The following ANK3 variants were observed in gnomAD, a reference collection of about 807,000 sequenced individuals.
ANK3 encodes ankyrin 3, also known as ankyrin-3.
Under a neutral mutation model 370.9 loss-of-function variants are expected in ANK3, and 57 were observed. That is an observed-to-expected ratio of 0.15 (90% confidence interval 0.12 to 0.19). ANK3 has a LOEUF of 0.19. Among genes scored for constraint, ANK3 ranks in the 10% least tolerant of loss-of-function variants. The pLI is 1.00. For synonymous variants in ANK3, 1,929 were observed against 1,946.3 expected, an observed-to-expected ratio of 0.99 and a Z score of 0.23; for missense variants, 4,439 against 5,302.1, an observed-to-expected ratio of 0.84 and a Z score of 5.06.
intron 27 of ANK3, chr10:60,108,109 C>A (rs1565062422): frequency 1.9e-5 from 7 of 370,454 alleles, no homozygotes; most frequent in East Asian, 9.8e-5. Context: ...AGAATCAGAC[C>A]ATGGGTGTGA....
chr10:60,524,899 AAC>A (rs2076433314), intron 2 of ANK3, among the ~76,000 whole-genome samples: 2 of 152,106 alleles, frequency 1.3e-5, no homozygotes, highest in Admixed American at 6.6e-5. Context: ...TGGACCCATG[AAC>A]AGAAATATTG....
chr10:60,036,459 G>A (rs569871208), intron 43 of ANK3, among the ~76,000 whole-genome samples: 59 of 51,376 alleles, frequency 1.1e-3, no homozygotes, highest in African/African-American at 4.5e-3. Flanking sequence ...TTTTTGAGAC[G>A]GAGTCTTGCT....
At chr10:60,434,491 T>G (rs2064109259) in intron 2 of ANK3, among the ~76,000 whole-genome samples, 1 of 152,234 alleles carries the variant, frequency 6.6e-6, no homozygotes, top group South Asian at 2.1e-4. Context: ...TATCTTCCAA[T>G]TTGTTTTCTT....
intron 2 of ANK3, among the ~76,000 whole-genome samples, chr10:60,485,560 G>A (rs887136995): frequency 1.3e-5 from 2 of 152,196 alleles, no homozygotes; most frequent in Non-Finnish European, 2.9e-5. Context: ...GGCAGGTAGT[G>A]AAGATGCTGG....
chr10:60,618,849 A>G (rs1263741774), intron 1 of ANK3, among the ~76,000 whole-genome samples: 1 of 152,096 alleles, frequency 6.6e-6, no homozygotes, highest in South Asian at 2.1e-4. Context: ...TTTGGCTCCT[A>G]TTCACCTGAC....
chr10:60,634,310 T>G (rs1239709892), intron 1 of ANK3, among the ~76,000 whole-genome samples: 1 of 152,192 alleles, frequency 6.6e-6, no homozygotes, highest in Non-Finnish European at 1.5e-5. Context: ...TATTTGTATT[T>G]CAAAATTCTC....
chr10:60,528,134 CTTCTTTTTTT>C (rs1487344948), intron 2 of ANK3, among the ~76,000 whole-genome samples: 1 of 124,264 alleles, frequency 8.0e-6, no homozygotes, highest in Non-Finnish European at 1.7e-5. Flanking sequence ...TTTTCTTCTT[CTTCTTTTTTT>C]TTTTTTTTTG....
intron 2 of ANK3, among the ~76,000 whole-genome samples, chr10:60,420,910 T>A: frequency 6.6e-6 from 1 of 152,126 alleles, no homozygotes; most frequent in East Asian, 1.9e-4. Flanking sequence ...TTGTGAAATA[T>A]TCATAGCATT....
At chr10:60,313,739 C>T (rs921936796) in intron 1 of ANK3, among the ~76,000 whole-genome samples, 2 of 152,086 alleles carry the variant, frequency 1.3e-5, no homozygotes, top group Admixed American at 6.6e-5. Flanking sequence ...CAAAAAGTCC[C>T]AAATGAAACA....
intron 2 of ANK3, among the ~76,000 whole-genome samples, chr10:60,432,066 C>T (rs1375960513): frequency 6.6e-6 from 1 of 152,170 alleles, no homozygotes; most frequent in Non-Finnish European, 1.5e-5. Context: ...ATTCTGATGG[C>T]TGTTTGCCAT....
chr10:60,639,958 A>G (rs1030636125), intron 1 of ANK3, among the ~76,000 whole-genome samples: 2 of 152,114 alleles, frequency 1.3e-5, no homozygotes, highest in African/African-American at 2.4e-5. Context: ...TATGCCTTCT[A>G]TGAGAAATCT....
intron 1 of ANK3, among the ~76,000 whole-genome samples, chr10:60,332,085 A>G (rs1285134623): frequency 1.3e-5 from 2 of 152,078 alleles, no homozygotes; most frequent in African/African-American, 2.4e-5. Context: ...CCCATTTTCT[A>G]TTGTGCTAAC....
chr10:60,165,047 A>G (rs149630334), intron 23 of ANK3, among the ~76,000 whole-genome samples: 2 of 152,182 alleles, frequency 1.3e-5, no homozygotes, highest in Non-Finnish European at 2.9e-5. Flanking sequence ...TTTTGAAATT[A>G]TTTGGTTATC....
chr10:60,323,552 A>G (rs546213799), intron 1 of ANK3, among the ~76,000 whole-genome samples: 1 of 152,256 alleles, frequency 6.6e-6, no homozygotes, highest in Non-Finnish European at 1.5e-5. Context: ...ACACACCTCT[A>G]GAGTTTAGGG....
chr10:60,456,271 T>C (rs1038822226), intron 2 of ANK3, among the ~76,000 whole-genome samples: 3 of 152,170 alleles, frequency 2.0e-5, no homozygotes, highest in Non-Finnish European at 2.9e-5. Flanking sequence ...TGGGGAAACA[T>C]AGCGCATCTT....
chr10:60,709,613 C>T (rs2079672505), intron 1 of ANK3, among the ~76,000 whole-genome samples: 1 of 151,576 alleles, frequency 6.6e-6, no homozygotes, highest in African/African-American at 2.4e-5. Flanking sequence ...TCCCTTGAGC[C>T]CAAGCGTTTG....
At chr10:60,043,772 G>A in intron 42 of ANK3, 2 of 985,416 alleles carry the variant, frequency 2.0e-6, no homozygotes, top group Non-Finnish European at 2.4e-6. Context: ...GCACTGCTCT[G>A]AGGTTTGGTG....
intron 1 of ANK3, among the ~76,000 whole-genome samples, chr10:60,626,917 T>C (rs1271936582): frequency 6.6e-6 from 1 of 151,968 alleles, no homozygotes; most frequent in Non-Finnish European, 1.5e-5. Flanking sequence ...AGGAACAGAA[T>C]GGTTTTCGAG....
rs754933051 is a variant in ANK3, at chr10:60,237,256, C to A, written c.799-2470G>T. Among the ~76,000 whole-genome samples, 5 of 152,194 alleles carry A rather than the reference C, an allele frequency of 3.3e-5. No homozygotes were observed. In the East Asian group the frequency reaches 7.7e-4, roughly 24 times the overall value. On this transcript the variant is annotated intron_variant, in intron 7 of 43. Coordinates refer to ENST00000280772, the MANE Select transcript of ANK3 (RefSeq NM_020987.5). The stretch of plus-strand genomic sequence containing the variant: ...TACAAGTGTGTATTGCTCTAGTGAC[C>A]CAAGCGGCACAGTGGATGAATTCTA...
Sources: allele counts gnomAD v4.1 joint callset (sites outside exome capture counted in the v4.1 genomes callset), GRCh38; gene constraint gnomAD v4.1.1; transcripts MANE v1.5; gene names NCBI Gene and HGNC (gene_info 2026-07-23, HGNC 2026-07-21).